The following THRAP3 variants were observed in gnomAD, a reference collection of about 807,000 sequenced individuals.
THRAP3 encodes thyroid hormone receptor associated protein 3, also known as thyroid hormone receptor-associated protein 3.
A neutral mutation model predicts 101.0 loss-of-function variants in THRAP3; 16 were observed. The observed-to-expected ratio is 0.16, with a 90% CI of 0.11 to 0.24. THRAP3 has a LOEUF of 0.24. Among genes scored for constraint, THRAP3 ranks in the 10% least tolerant of loss-of-function variants. THRAP3 has a pLI of 1.00. For synonymous variants in THRAP3, 407 were observed against 422.6 expected (o/e 0.96, Z 0.45); for missense variants, 989 against 1,202.7 (o/e 0.82, Z 2.63).
At chr1:36,274,910 C>T (rs1018809183) in intron 2 of THRAP3, among the ~76,000 whole-genome samples, 6 of 149,462 alleles carry the variant, frequency 4.0e-5, no homozygotes, top group Non-Finnish European at 3.0e-5. Context: ...GGATTACAGG[C>T]GTGAGCCACT....
the THRAP3 span, among the ~76,000 whole-genome samples, chr1:36,215,842 C>T: frequency 4.0e-5 from 6 of 151,864 alleles, no homozygotes; most frequent in Admixed American, 3.3e-4. Flanking sequence ...CTCTGCCTCC[C>T]GGGTTCAAGT....
intron 1 of THRAP3, among the ~76,000 whole-genome samples, chr1:36,240,933 G>A (rs566027410): frequency 2.0e-5 from 3 of 152,188 alleles, no homozygotes; most frequent in East Asian, 1.9e-4. Flanking sequence ...TCGGCCGGGC[G>A]CAGTGGCTCA....
chr1:36,301,067 A>G lies in THRAP3; in HGVS notation c.2485A>G (p.Arg829Gly). ...FVGPSERGGG[R>G]ARGTFQFRAR... ...GGGTCCAAGTGAAAGAGGAGGTGGC[A>G]GAGCTCGAGGAACCTTTGTAAGACC... The change falls in exon 10 of 12, where the codon AGA becomes GGA. Residue 829 changes from arginine (R) to glycine (G), a missense_variant. Arg to Gly is a moderately radical substitution (Grantham distance 125, BLOSUM62 -2). Transcript: ENST00000354618. The G allele has an allele frequency of 6.2e-7, 1 of 1,614,188 alleles. No individual in the cohort carries two copies. The highest frequency in any genetic ancestry group is 8.5e-7 in the Non-Finnish European group (1 of 1,180,004).
At chr1:36,231,456 AG>A (rs1645027004) in intron 1 of THRAP3, among the ~76,000 whole-genome samples, 1 of 152,336 alleles carries the variant, frequency 6.6e-6, no homozygotes, top group East Asian at 1.9e-4. Flanking sequence ...AGAAGATAGA[AG>A]GCCAAGCAGA....
At position 36,304,072 on chromosome 1, in the gene THRAP3, T is replaced by TG. The variant is rs2124656884; in HGVS notation, c.*57dup. 1 of 1,452,268 alleles carries TG rather than the reference T, an allele frequency of 6.9e-7. No homozygotes were observed. The highest frequency in any genetic ancestry group is 2.5e-5 in the East Asian group (1 of 39,666). The allele number at this position is 1,452,268 out of a possible 1,614,324, so 90.0% of individuals were successfully genotyped here. On this transcript the variant is annotated 3_prime_UTR_variant, in exon 12 of 12. Coordinates refer to ENST00000354618, the MANE Select transcript of THRAP3 (RefSeq NM_005119.4). ...GGGAGAGAGGCGCTGGGAAGATGGCTGGTGAGGAGCTTAACAGAGGAACCT... is the reference window on the plus strand; with the variant it reads ...GGGAGAGAGGCGCTGGGAAGATGGCTGGGTGAGGAGCTTAACAGAGGAACCT...
upstream of THRAP3, among the ~76,000 whole-genome samples, chr1:36,221,375 T>G (rs1260873134): frequency 6.7e-6 from 1 of 150,146 alleles, no homozygotes. Context: ...ATGAAAGAAA[T>G]AGTCAACTTT....
intron 5 of THRAP3, among the ~76,000 whole-genome samples, chr1:36,290,257 G>A (rs1449135405): frequency 6.6e-6 from 1 of 151,604 alleles, no homozygotes; most frequent in Admixed American, 6.6e-5. Flanking sequence ...GTGCAGTGGC[G>A]CGATCTCCAC....
chr1:36,280,098 A>C (rs1005572017), intron 2 of THRAP3, among the ~76,000 whole-genome samples: 1 of 152,230 alleles, frequency 6.6e-6, no homozygotes, highest in Non-Finnish European at 1.5e-5. Context: ...CAGCCTGGGC[A>C]ACACAGGGAG....
chr1:36,290,958 G>A (rs1041653069), intron 5 of THRAP3, among the ~76,000 whole-genome samples: 3 of 152,090 alleles, frequency 2.0e-5, no homozygotes, highest in Admixed American at 2.0e-4. Context: ...GGCCTTGGCT[G>A]GTCATGCTAG....
chr1:36,222,759 A>G (rs1286612069), upstream of THRAP3, among the ~76,000 whole-genome samples: 3 of 152,234 alleles, frequency 2.0e-5, no homozygotes, highest in Non-Finnish European at 4.4e-5. Context: ...TTTGGTATCC[A>G]TCTAGTTTAC....
chr1:36,296,575 T>C lies in THRAP3; in HGVS notation c.2116-8T>C. 2.0e-6 allele frequency: 3 copies of C among 1,529,118 alleles called. No homozygotes were observed. Among genetic ancestry groups the C allele is most frequent in the Non-Finnish European group, 1.7e-6 (2 of 1,144,414 alleles). 94.7% of individuals were successfully genotyped at this position (1,529,118 alleles called of 1,614,324 possible). ...CAGAAACCTTAATTTTGGCTTATCT[T>C]TTGATAGGCTGAGGGAAAATACAAA... On this transcript the variant is annotated splice_polypyrimidine_tract_variant and splice_region_variant and intron_variant, in intron 8 of 11. Coordinates refer to ENST00000354618, the MANE Select transcript of THRAP3 (RefSeq NM_005119.4).
At position 36,262,881 on chromosome 1, in the gene THRAP3, C is replaced by T. The variant is rs1645464511; in HGVS notation, c.-32+3397C>T. Among the ~76,000 whole-genome samples, 3 of 150,892 alleles carry T rather than the reference C, an allele frequency of 2.0e-5. No individual in the cohort carries two copies. The South Asian group carries it at 6.3e-4, about 31-fold the overall frequency. On this transcript the variant is annotated intron_variant, in intron 2 of 11. Coordinates refer to ENST00000354618, the MANE Select transcript of THRAP3 (RefSeq NM_005119.4). ...CGATCTCGGCTCACTACAAGTCCAC[C>T]TCCCGGGGTCACGCCATTCTCCTGC...
intron 8 of THRAP3, 136 bp from the exon 9 acceptor site, chr1:36,296,447 A>G (rs1645952362): frequency 6.0e-6 from 4 of 662,710 alleles, no homozygotes; most frequent in South Asian, 4.5e-5. Context: ...ATCCCTTCCA[A>G]GCTTGGGTGA....
intron 2 of THRAP3, among the ~76,000 whole-genome samples, chr1:36,262,584 CAGT>C: frequency 6.6e-6 from 1 of 152,092 alleles, no homozygotes; most frequent in Non-Finnish European, 1.5e-5. Flanking sequence ...TCTTTGTAAA[CAGT>C]GGATGTCTGT....
intron 4 of THRAP3, chr1:36,288,738 C>T (rs1302809512): frequency 2.0e-6 from 2 of 985,250 alleles, no homozygotes; most frequent in African/African-American, 3.5e-5. Flanking sequence ...ATTTTTTGCC[C>T]TAGATCACAT....
intron 2 of THRAP3, among the ~76,000 whole-genome samples, chr1:36,264,781 T>A (rs1645491728): frequency 6.6e-6 from 1 of 152,214 alleles, no homozygotes; most frequent in African/African-American, 2.4e-5. Context: ...GAAGATTTAT[T>A]GAAAATTGTG....
chr1:36,287,664 G>A (rs1487048214), intron 4 of THRAP3: 3 of 985,286 alleles, frequency 3.0e-6, no homozygotes, highest in Non-Finnish European at 2.4e-6. Context: ...TACTATGTTC[G>A]ATCTGCATCA....
At position 36,286,349 on chromosome 1, in the gene THRAP3, TCTTTC is replaced by T; in HGVS notation, c.138-12_138-8del. ...TGTGTCAAAAATTCAAACATTTGTC[TCTTTC>T]CTTTCCATTCCAGTTCTAGGTCTCG... is the stretch of plus-strand genomic sequence containing the variant. On this transcript the variant is annotated splice_polypyrimidine_tract_variant and intron_variant, in intron 3 of 11. Coordinates refer to ENST00000354618, the MANE Select transcript of THRAP3 (RefSeq NM_005119.4). This position sits in a 1 kb window ranked among gnomAD's most constrained non-coding sequence, Gnocchi z 5.5. 6.5e-7 allele frequency: 1 copy of T among 1,547,236 alleles called. No homozygotes were observed. Among genetic ancestry groups the T allele is most frequent in the Non-Finnish European group, 8.7e-7 (1 of 1,149,792 alleles).
rs773025397 is a variant in THRAP3 at position 36,303,890 on chromosome 1, G to A, written c.2741G>A (p.Arg914Gln). ...CGGGGTCGGGGCCGGTTCATGTTCCGGAAATCAAGTACCAGCCCCAAGTGG... is the reference window on the plus strand; with the variant it reads ...CGGGGTCGGGGCCGGTTCATGTTCCAGAAATCAAGTACCAGCCCCAAGTGG... ...FPRGRGRFMF[R>Q]KSSTSPKWAH... The change falls in exon 12 of 12, where the codon CGG becomes CAG. Residue 914 changes from arginine (R) to glutamine (Q), a missense_variant. Coordinates refer to ENST00000354618, the MANE Select transcript of THRAP3 (RefSeq NM_005119.4). 6 of 1,613,530 alleles carry A rather than the reference G, an allele frequency of 3.7e-6. No homozygotes were observed. Among genetic ancestry groups the A allele is most frequent in the African/African-American group, 1.3e-5 (1 of 74,858 alleles).
Sources: allele counts gnomAD v4.1 joint callset (sites outside exome capture counted in the v4.1 genomes callset), GRCh38; gene constraint gnomAD v4.1.1; non-coding constraint Gnocchi (gnomAD v3.1); transcripts MANE v1.5; gene names NCBI Gene and HGNC (gene_info 2026-07-23, HGNC 2026-07-21).